The following CPN1 variants were observed in gnomAD, a reference collection of about 807,000 sequenced individuals.
CPN1 encodes carboxypeptidase N catalytic chain.
In CPN1, 37 loss-of-function variants were observed where a neutral mutation model predicts 46.4. That is an observed-to-expected ratio of 0.80 (90% CI 0.61 to 1.05). CPN1 has a LOEUF of 1.05. Ranked by LOEUF, CPN1 falls within the 50% of genes least tolerant of loss-of-function variation. The pLI, the probability that CPN1 is intolerant of heterozygous loss-of-function variation, is 0.00. For synonymous variants in CPN1, 224 were observed against 235.4 expected, an observed-to-expected ratio of 0.95 and a Z score of 0.44; for missense variants, 563 against 602.6, an observed-to-expected ratio of 0.93 and a Z score of 0.69.
At chr10:100,066,901 A>C (rs2041457552) in intron 3 of CPN1, among the ~76,000 whole-genome samples, 1 of 152,244 alleles carries the variant, frequency 6.6e-6, no homozygotes, top group Admixed American at 6.5e-5. Flanking sequence ...AGCCTCTATC[A>C]GAACAAGGCC....
At chr10:100,051,523 T>C (rs550860061) in intron 7 of CPN1, among the ~76,000 whole-genome samples, 208 of 152,052 alleles carry the variant, frequency 1.4e-3, no homozygotes, top group Non-Finnish European at 2.1e-3. Flanking sequence ...CCTGATGAAA[T>C]GAAAAAAAAT....
intron 5 of CPN1, among the ~76,000 whole-genome samples, chr10:100,061,260 G>A (rs1158657822): frequency 6.6e-6 from 1 of 152,142 alleles, no homozygotes; most frequent in Non-Finnish European, 1.5e-5. Flanking sequence ...AATGCTTGAG[G>A]GGATGGACAT....
At chr10:100,066,569 A>G (rs1407910354) in intron 3 of CPN1, among the ~76,000 whole-genome samples, 1 of 152,208 alleles carries the variant, frequency 6.6e-6, no homozygotes, top group East Asian at 1.9e-4. Context: ...CCACCTTTCT[A>G]TTGCATATTA....
At chr10:100,049,222 G>A (rs2041335921) in intron 7 of CPN1, among the ~76,000 whole-genome samples, 1 of 150,678 alleles carries the variant, frequency 6.6e-6, no homozygotes, top group Admixed American at 6.6e-5. Context: ...GCCTCCCAGT[G>A]CTGGGATTAC....
chr10:100,064,156 T>C (rs1415481479), intron 4 of CPN1, among the ~76,000 whole-genome samples: 2 of 152,204 alleles, frequency 1.3e-5, no homozygotes, highest in East Asian at 3.9e-4. Flanking sequence ...ACTTCTCCAG[T>C]AAAAGTAATG....
intron 1 of CPN1, among the ~76,000 whole-genome samples, chr10:100,077,782 CTT>C (rs2041523772): frequency 1.3e-5 from 2 of 151,768 alleles, no homozygotes; most frequent in Non-Finnish European, 2.9e-5. Context: ...GTTAAAATGT[CTT>C]TTCTGTTAGA....
chr10:100,058,226 A>G (rs2041396390), intron 5 of CPN1, among the ~76,000 whole-genome samples: 1 of 151,988 alleles, frequency 6.6e-6, no homozygotes, highest in Non-Finnish European at 1.5e-5. Context: ...AACATTTCCA[A>G]AGTCTGCATA....
chr10:100,072,210 C>T (rs1589478511), intron 2 of CPN1, among the ~76,000 whole-genome samples: 1 of 152,180 alleles, frequency 6.6e-6, no homozygotes. Context: ...GGGTCTCACT[C>T]TGTTGCCTAG....
At chr10:100,065,115 CTG>C in intron 4 of CPN1, 71 bp downstream of exon 4, 1 of 1,537,880 alleles carries the variant, frequency 6.5e-7, no homozygotes, top group Non-Finnish European at 8.8e-7. Flanking sequence ...GAAAAGGGTT[CTG>C]TGTTACTGAC....
At chr10:100,064,608 T>C (rs2041441828) in intron 4 of CPN1, among the ~76,000 whole-genome samples, 1 of 151,840 alleles carries the variant, frequency 6.6e-6, no homozygotes, top group Non-Finnish European at 1.5e-5. Context: ...CTCAAACTCC[T>C]GACCTCAGGC....
chr10:100,069,221 C>T (rs1212399944), intron 3 of CPN1, among the ~76,000 whole-genome samples: 4 of 152,168 alleles, frequency 2.6e-5, no homozygotes, highest in Non-Finnish European at 5.9e-5. Flanking sequence ...CGGTGGCTCA[C>T]GCCTGTAATC....
intron 5 of CPN1, among the ~76,000 whole-genome samples, chr10:100,062,958 C>T (rs1286052621): frequency 6.6e-6 from 1 of 151,854 alleles, no homozygotes; most frequent in Non-Finnish European, 1.5e-5. Context: ...AGTAATTATC[C>T]ATCCCAGAGC....
intron 3 of CPN1, 85 bp from the exon 4 acceptor site, chr10:100,065,455 G>T: frequency 7.0e-7 from 1 of 1,430,700 alleles, no homozygotes. Flanking sequence ...TCAGGAAGTG[G>T]CCTGAGGAGA....
intron 1 of CPN1, among the ~76,000 whole-genome samples, chr10:100,077,050 T>C (rs898706469): frequency 1.3e-5 from 2 of 152,074 alleles, no homozygotes; most frequent in Admixed American, 1.3e-4. Flanking sequence ...CCAAATGATT[T>C]TTCTTACACC....
In CPN1 at chr10:100,081,488, C is replaced by T. The variant is rs766413889; in HGVS notation, c.138G>A (p.Thr46=). The T allele has an allele frequency of 9.9e-6, 16 of 1,614,120 alleles. No individual in the cohort carries two copies. The Admixed American group carries it at 2.5e-4, about 25-fold the overall frequency. ...YKVQNECPGI[T]RVYSIGRSVE... ...CGCTGCGCCCAATGCTGTAGACCCG[C>T]GTGATGCCGGGGCATTCGTTTTGCA... Residue 46 remains threonine, a synonymous_variant, in exon 1 of 9, where the codon ACG becomes ACA. Transcript: ENST00000370418.
chr10:100,047,123 C>T (rs543205544), intron 8 of CPN1, among the ~76,000 whole-genome samples: 2 of 152,036 alleles, frequency 1.3e-5, no homozygotes, highest in African/African-American at 4.8e-5. Context: ...GTAGTCCCAG[C>T]TACTTGGAAA....
Position 100,076,001 on chromosome 10 carries a change from C to A in CPN1, c.330G>T (p.Arg110Ser). 1 of 1,614,166 alleles carries A rather than the reference C, an allele frequency of 6.2e-7. No individual in the cohort carries two copies. Among genetic ancestry groups the A allele is most frequent in the South Asian group, 1.1e-5 (1 of 91,078 alleles). Residue 110 changes from arginine (R) to serine (S), a missense_variant, in exon 2 of 9, where the codon AGG becomes AGT. By Grantham distance (110) the Arg-to-Ser change is moderately radical (BLOSUM62 -1). Transcript: ENST00000370418. ...SEFLCEEFRN[R>S]NQRIVQLIQD... ...GGATGAGCTGGACGATGCGCTGGTTCCTGTTCCGGAACTCCTCGCACAGAA... is the reference window on the plus strand; with the variant it reads ...GGATGAGCTGGACGATGCGCTGGTTACTGTTCCGGAACTCCTCGCACAGAA...
chr10:100,059,952 C>CT (rs1288978038), intron 5 of CPN1, among the ~76,000 whole-genome samples: 1 of 152,092 alleles, frequency 6.6e-6, no homozygotes, highest in African/African-American at 2.4e-5. Context: ...CATGGATGAA[C>CT]TTTGAGGACA....
chr10:100,060,300 G>A (rs1018075123), intron 5 of CPN1, among the ~76,000 whole-genome samples: 3 of 152,174 alleles, frequency 2.0e-5, no homozygotes, highest in Admixed American at 1.3e-4. Context: ...GGTGGCTCAT[G>A]CCTGTAATCC....
Sources: allele counts gnomAD v4.1 joint callset (sites outside exome capture counted in the v4.1 genomes callset), GRCh38; gene constraint gnomAD v4.1.1; transcripts MANE v1.5; gene names NCBI Gene and HGNC (gene_info 2026-07-23, HGNC 2026-07-21).